The following CEP70 variants were observed in gnomAD, a reference collection of about 807,000 sequenced individuals.
The protein encoded by CEP70 is centrosomal protein 70.
Under a neutral mutation model 90.9 loss-of-function variants are expected in CEP70, and 70 were observed. That is an observed-to-expected ratio of 0.77 (90% CI 0.64 to 0.94). The LOEUF (loss-of-function observed/expected upper bound fraction) is 0.94, where lower values mean the gene tolerates loss of function less well. CEP70 is among the 40% of genes least tolerant of loss of function. The pLI is 0.00. For missense variants in CEP70, 648 were observed against 669.0 expected (o/e 0.97, Z 0.35); for synonymous variants, 220 against 228.3 (o/e 0.96, Z 0.33).
intron 6 of CEP70, among the ~76,000 whole-genome samples, chr3:138,540,480 T>TA (rs35741273): frequency 0.059 from 7,284 of 123,526 alleles, 238 homozygotes; most frequent in Admixed American, 0.084. Context: ...CAAGACTATG[T>TA]AAAAAAAAAA....
At chr3:138,574,578 G>A (rs1165780335) in intron 2 of CEP70, among the ~76,000 whole-genome samples, 2 of 152,218 alleles carry the variant, frequency 1.3e-5, no homozygotes, top group Non-Finnish European at 2.9e-5. Flanking sequence ...TGACAGCTCT[G>A]AAGACAGCAG....
intron 11 of CEP70, among the ~76,000 whole-genome samples, chr3:138,515,010 G>A (rs2035872284): frequency 6.6e-6 from 1 of 151,878 alleles, no homozygotes; most frequent in Non-Finnish European, 1.5e-5. Context: ...TAATTTTAAA[G>A]GACAATAATA....
intron 14 of CEP70, 36 bp downstream of exon 14, chr3:138,500,699 G>C (rs567096762): frequency 1.6e-5 from 25 of 1,534,174 alleles, no homozygotes; most frequent in Non-Finnish European, 2.1e-5. Context: ...TTTGAGATAA[G>C]AAACATTAGA....
At chr3:138,548,151 G>A (rs2107921362) in intron 6 of CEP70, among the ~76,000 whole-genome samples, 1 of 152,200 alleles carries the variant, frequency 6.6e-6, no homozygotes, top group East Asian at 1.9e-4. Context: ...AAATTCAATA[G>A]CATATTAAAA....
chr3:138,501,096 G>A (rs2034473628), intron 13 of CEP70, among the ~76,000 whole-genome samples: 1 of 151,492 alleles, frequency 6.6e-6, no homozygotes, highest in African/African-American at 2.4e-5. Context: ...GTTAAAATTA[G>A]GTTTCTCCAG....
chr3:138,521,277 G>C (rs1432360856), intron 11 of CEP70, among the ~76,000 whole-genome samples: 1 of 151,580 alleles, frequency 6.6e-6, no homozygotes, highest in Non-Finnish European at 1.5e-5. Context: ...CCATCGTCTG[G>C]GATGTGAGGA....
At chr3:138,575,632 C>T (rs761781501) in intron 2 of CEP70, among the ~76,000 whole-genome samples, 91 of 152,004 alleles carry the variant, frequency 6.0e-4, no homozygotes, top group Admixed American at 2.4e-3. Context: ...GAAGAGCAAC[C>T]CTAGGACACA....
chr3:138,556,527 C>CAAAAAAAAA (rs57583939), intron 6 of CEP70, among the ~76,000 whole-genome samples: 1 of 69,610 alleles, frequency 1.4e-5, no homozygotes, highest in Non-Finnish European at 2.5e-5. Flanking sequence ...GACTCTGTCT[C>CAAAAAAAAA]AAAAAAAAAA....
chr3:138,565,671 C>A (rs1157782377), intron 6 of CEP70, among the ~76,000 whole-genome samples: 3 of 152,116 alleles, frequency 2.0e-5, no homozygotes, highest in African/African-American at 7.2e-5. Context: ...TTTCTTACAC[C>A]TTATACAAAA....
chr3:138,532,520 G>T lies in CEP70; in HGVS notation c.686C>A (p.Thr229Lys). The T allele has an allele frequency of 6.6e-7, 1 of 1,506,576 alleles. No individual in the cohort carries two copies. Among genetic ancestry groups the T allele is most frequent in the Non-Finnish European group, 8.9e-7 (1 of 1,126,104 alleles). 93.3% of individuals were successfully genotyped at this position (1,506,576 alleles called of 1,614,324 possible). The change falls in exon 8 of 18, where the codon ACA (threonine) becomes AAA (lysine). Residue 229 changes from threonine to lysine, a missense_variant. Transcript: ENST00000264982. ...YYESKIRKIHTQRQYKEDESQ... is the reference protein window; with the variant it reads ...YYESKIRKIHKQRQYKEDESQ... ...AATACAGGATTACTCGTACCTTTGT[G>T]TATGAATTTTTCTAATTTTAGATTC...
chr3:138,561,451 AG>A (rs1222800920), intron 6 of CEP70, among the ~76,000 whole-genome samples: 1 of 152,174 alleles, frequency 6.6e-6, no homozygotes, highest in African/African-American at 2.4e-5. Context: ...CAGCACAAAA[AG>A]GTTGAAAATT....
At position 138,557,644 on chromosome 3, in the gene CEP70, T is replaced by C. The variant is rs1673595; in HGVS notation, c.465+12674A>G. ...CACAACAAAGAATGATACAATGGAC[T>C]TTGGGGACTCAGAGGGAAAGGGTGA... is the stretch of plus-strand genomic sequence containing the variant. On this transcript the variant is annotated intron_variant, in intron 6 of 17. Coordinates refer to ENST00000264982, the MANE Select transcript of CEP70 (RefSeq NM_024491.4). Among the ~76,000 whole-genome samples the C allele has an allele frequency of 8.3e-3, 1,269 of 152,248 alleles. 26 individuals are homozygous for C. The highest frequency in any genetic ancestry group is 0.028 in the African/African-American group (1,183 of 41,534).
At chr3:138,518,123 C>T (rs1237421235) in intron 11 of CEP70, among the ~76,000 whole-genome samples, 8 of 152,128 alleles carry the variant, frequency 5.3e-5, no homozygotes, top group South Asian at 2.1e-4. Context: ...AAGGCGGCAG[C>T]GAGGCTGTGG....
intron 7 of CEP70, among the ~76,000 whole-genome samples, chr3:138,533,729 T>C (rs925148421): frequency 5.9e-5 from 9 of 152,176 alleles, no homozygotes; most frequent in African/African-American, 2.2e-4. Flanking sequence ...GCAAGCAGAT[T>C]TGTTACATTT....
chr3:138,560,706 C>T (rs2108043078), intron 6 of CEP70, among the ~76,000 whole-genome samples: 1 of 152,246 alleles, frequency 6.6e-6, no homozygotes, highest in Non-Finnish European at 1.5e-5. Flanking sequence ...TCCACCACTG[C>T]TGAGGCTTGA....
At chr3:138,530,947 G>T in intron 8 of CEP70, 1 of 543,838 alleles carries the variant, frequency 1.8e-6, no homozygotes, top group Non-Finnish European at 2.3e-6. Context: ...CTCCTTAGGA[G>T]AGAGACTCTT....
chr3:138,555,453 C>T (rs1211467207), intron 6 of CEP70, among the ~76,000 whole-genome samples: 1 of 152,024 alleles, frequency 6.6e-6, no homozygotes, highest in Non-Finnish European at 1.5e-5. Context: ...AGCTTTTGCA[C>T]AGCAAAAGGA....
chr3:138,536,759 CA>C (rs1482169167), intron 7 of CEP70, among the ~76,000 whole-genome samples: 2 of 149,722 alleles, frequency 1.3e-5, no homozygotes, highest in African/African-American at 4.9e-5. Context: ...AAAAAAAAAT[CA>C]ATGATGATTT....
chr3:138,505,224 T>A (rs1354491058), intron 13 of CEP70, 71 bp downstream of exon 13: 3 of 1,185,438 alleles, frequency 2.5e-6, no homozygotes, highest in Non-Finnish European at 3.4e-6. Flanking sequence ...TAGCCCTGAA[T>A]TAAGTCCTAT....
Sources: allele counts gnomAD v4.1 joint callset (sites outside exome capture counted in the v4.1 genomes callset), GRCh38; gene constraint gnomAD v4.1.1; transcripts MANE v1.5; gene names NCBI Gene and HGNC (gene_info 2026-07-23, HGNC 2026-07-21).